Variants in PDE6D observed in about 807,000 individuals in gnomAD.
PDE6D encodes retinal rod rhodopsin-sensitive cGMP 3',5'-cyclic phosphodiesterase subunit delta.
Under a neutral mutation model 21.9 loss-of-function variants are expected in PDE6D, and 10 were observed. The observed-to-expected ratio is 0.46, with a 90% CI of 0.28 to 0.78. PDE6D has a LOEUF of 0.78. PDE6D is among the 30% of genes least tolerant of loss of function. The probability of loss-of-function intolerance (pLI) is 0.12; values close to 1 mark genes in which losing one functional copy is unlikely to be tolerated. For missense variants in PDE6D, 139 were observed against 184.8 expected, an observed-to-expected ratio of 0.75 and a Z score of 1.44; for synonymous variants, 59 against 63.5, an observed-to-expected ratio of 0.93 and a Z score of 0.34.
At chr2:231,734,167 T>A (rs1020623017) in intron 4 of PDE6D, among the ~76,000 whole-genome samples, 1 of 151,510 alleles carries the variant, frequency 6.6e-6, no homozygotes, top group Non-Finnish European at 1.5e-5. Flanking sequence ...TGAGCCGAGA[T>A]CACGCCACTG....
chr2:231,736,838 C>G (rs1360578685), intron 4 of PDE6D, among the ~76,000 whole-genome samples: 1 of 152,154 alleles, frequency 6.6e-6, no homozygotes. Flanking sequence ...CATTACACCT[C>G]TGTAAGACAG....
At position 231,762,310 on chromosome 2, in the gene PDE6D, T is replaced by TA. The variant is rs1009773342; in HGVS notation, c.50+18754dup. ...CCTTGAATGAAACTATTTTTTTTTTTAAATCTGAAGTGGATTCAAGGACTA... is the reference window on the plus strand; with the variant it reads ...CCTTGAATGAAACTATTTTTTTTTTTAAAATCTGAAGTGGATTCAAGGACTA... On this transcript the variant is annotated intron_variant, in intron 1 of 4. Transcript: ENST00000287600. Among the ~76,000 whole-genome samples, 75 of 151,668 alleles carry TA rather than the reference T, an allele frequency of 4.9e-4. 1 individual carries two copies. The highest frequency in any genetic ancestry group is 7.8e-4 in the Non-Finnish European group (53 of 67,900).
chr2:231,776,157 C>T (rs1034860482), intron 1 of PDE6D, among the ~76,000 whole-genome samples: 2 of 151,884 alleles, frequency 1.3e-5, no homozygotes, highest in Admixed American at 6.6e-5. Context: ...CCCCTCTCTA[C>T]TAAAAATACA....
intron 3 of PDE6D, chr2:231,737,548 G>T: frequency 2.6e-6 from 1 of 380,102 alleles, no homozygotes; most frequent in Non-Finnish European, 4.7e-6. Context: ...AATATAAGCA[G>T]CATTTTCTTA....
chr2:231,780,558 G>A (rs1180636655), intron 1 of PDE6D, among the ~76,000 whole-genome samples: 1 of 152,130 alleles, frequency 6.6e-6, no homozygotes, highest in Non-Finnish European at 1.5e-5. Context: ...TGCGGTGGGG[G>A]ACCTGAGAGA....
chr2:231,733,429 T>C (rs1335891656), intron 4 of PDE6D, among the ~76,000 whole-genome samples: 1 of 152,170 alleles, frequency 6.6e-6, no homozygotes, highest in Admixed American at 6.5e-5. Context: ...TTCCCTACAG[T>C]ACTCACAATA....
At chr2:231,743,425 T>C (rs11680005) in intron 1 of PDE6D, among the ~76,000 whole-genome samples, 1,765 of 115,702 alleles carry the variant, frequency 0.015, 26 homozygotes, top group Non-Finnish European at 0.019. Context: ...CAAGATTCCG[T>C]CTCAAAAAAA....
At chr2:231,741,113 CAAAA>C (rs56947117) in intron 1 of PDE6D, among the ~76,000 whole-genome samples, 4 of 54,874 alleles carry the variant, frequency 7.3e-5, no homozygotes, top group Non-Finnish European at 9.6e-5. Context: ...AACCCTGTCT[CAAAA>C]AAAAAAAAAA....
chr2:231,776,178 G>C (rs546220590), intron 1 of PDE6D, among the ~76,000 whole-genome samples: 1 of 151,970 alleles, frequency 6.6e-6, no homozygotes, highest in African/African-American at 2.4e-5. Context: ...AAAATTAGCC[G>C]GGCGTGGTGG....
rs1574613335 is a variant in PDE6D at position 231,732,843 on chromosome 2, G to A, written c.*109C>T. 1.4e-6 allele frequency: 1 copy of A among 729,040 alleles called. No individual in the cohort carries two copies. Among genetic ancestry groups the A allele is most frequent in the East Asian group, 2.5e-5 (1 of 40,124 alleles). The allele number at this position is 729,040 out of a possible 1,614,324, so 45.2% of individuals were successfully genotyped here. On this transcript the variant is annotated 3_prime_UTR_variant, in exon 5 of 5. Transcript: ENST00000287600. Reference sequence around the variant, plus strand: ...GCTGCAGGTAGGTTCTGCTGTTGAGGGAATTAGGGGTGTATGTGTCAAAAA... The same window carrying A: ...GCTGCAGGTAGGTTCTGCTGTTGAGAGAATTAGGGGTGTATGTGTCAAAAA...
chr2:231,746,809 G>T (rs1296255801), intron 1 of PDE6D, among the ~76,000 whole-genome samples: 2 of 152,086 alleles, frequency 1.3e-5, no homozygotes, highest in Non-Finnish European at 2.9e-5. Flanking sequence ...GGGAAAAAAA[G>T]ACTGAGAAAA....
chr2:231,753,057 T>A (rs2048854525), intron 1 of PDE6D, among the ~76,000 whole-genome samples: 1 of 148,572 alleles, frequency 6.7e-6, no homozygotes, highest in South Asian at 2.1e-4. Flanking sequence ...GGTCTCAATC[T>A]TCTGACCTCG....
In PDE6D at chr2:231,761,955, C is replaced by T. The variant is rs115772492; in HGVS notation, c.50+19110G>A. Among the ~76,000 whole-genome samples the T allele has an allele frequency of 9.2e-3, 1,405 of 152,196 alleles. 32 individuals carry two copies. Among genetic ancestry groups the T allele is most frequent in the African/African-American group, 0.032 (1,337 of 41,496 alleles). The stretch of plus-strand genomic sequence containing the variant: ...TGCAGGGTCCTGGGTATCTTTGTGA[C>T]GACATTCCTCCAGGGCTAGAAGAGC... On this transcript the variant is annotated intron_variant, in intron 1 of 4. Transcript: ENST00000287600.
At chr2:231,733,069 G>A (rs746367047) in intron 4 of PDE6D, 36 bp from the exon 5 acceptor site, 1 of 1,362,126 alleles carries the variant, frequency 7.3e-7, no homozygotes, top group Non-Finnish European at 1.1e-6. Flanking sequence ...GCAAAAGAGA[G>A]TGAGCATGTT....
intron 1 of PDE6D, among the ~76,000 whole-genome samples, chr2:231,777,547 C>T (rs780092624): frequency 2.0e-5 from 3 of 152,012 alleles, no homozygotes; most frequent in Non-Finnish European, 4.4e-5. Context: ...TTTGTAGGGA[C>T]CTTAAACACA....
intron 1 of PDE6D, among the ~76,000 whole-genome samples, 172 bp downstream of exon 1, chr2:231,780,893 G>A (rs1373519784): frequency 6.6e-6 from 1 of 152,170 alleles, no homozygotes; most frequent in African/African-American, 2.4e-5. Flanking sequence ...CCCTTGGGGC[G>A]CCTCTCGCGC....
At chr2:231,733,093 C>T in intron 4 of PDE6D, 60 bp from the exon 5 acceptor site, 1 of 1,166,154 alleles carries the variant, frequency 8.6e-7, no homozygotes, top group Non-Finnish European at 1.3e-6. Flanking sequence ...CACAAGATTT[C>T]ATTTCCACAA....
intron 1 of PDE6D, among the ~76,000 whole-genome samples, chr2:231,743,598 C>T (rs1282403600): frequency 2.0e-5 from 3 of 152,062 alleles, no homozygotes; most frequent in African/African-American, 7.2e-5. Flanking sequence ...GTCATTCTCC[C>T]CTCAGGGTGT....
At chr2:231,738,919 CA>C (rs1157734125) in intron 2 of PDE6D, among the ~76,000 whole-genome samples, 180 bp downstream of exon 2, 6,223 of 62,786 alleles carry the variant, frequency 0.099, 61 homozygotes, top group African/African-American at 0.15. Flanking sequence ...GACTGTGTCT[CA>C]AAAAAAAAAA....
Sources: gnomAD v4.1 joint callset for allele counts (sites outside exome capture counted in the v4.1 genomes callset) on GRCh38, gnomAD v4.1.1 for gene constraint, MANE v1.5 for transcripts, NCBI Gene and HGNC (gene_info 2026-07-23, HGNC 2026-07-21) for gene names.